The following TSC1 variants were observed in gnomAD, a reference collection of about 807,000 sequenced individuals.
TSC1 encodes the protein hamartin.
TSC1 carries 20 observed loss-of-function variants against 124.3 expected under a neutral mutation model. The ratio of observed to expected loss-of-function variants is 0.16; its 90% CI spans 0.11 to 0.23. TSC1 has a LOEUF of 0.23. Ranked by LOEUF, TSC1 falls within the 10% of genes least tolerant of loss-of-function variation. TSC1 has a pLI of 1.00. For missense variants in TSC1, 1,124 were observed against 1,448.5 expected (o/e 0.78, Z 3.64); for synonymous variants, 493 against 539.1 (o/e 0.91, Z 1.19).
At chr9:132,943,250 G>C (rs1003199333) in intron 1 of TSC1, among the ~76,000 whole-genome samples, 1 of 145,248 alleles carries the variant, frequency 6.9e-6, no homozygotes, top group African/African-American at 2.5e-5. Context: ...AAAAAAGCCA[G>C]CAAGGATTTT....
intron 13 of TSC1, 108 bp downstream of exon 13, chr9:132,907,193 T>C: frequency 1.1e-6 from 1 of 919,736 alleles, no homozygotes; most frequent in Non-Finnish European, 1.8e-6. Flanking sequence ...GGCCTCAGTA[T>C]TTTGGATATC....
In TSC1 at chr9:132,901,744, G is replaced by A. The variant is rs774231138; in HGVS notation, c.2392-45C>T. 3 of 1,585,396 alleles carry A rather than the reference G, an allele frequency of 1.9e-6. No homozygotes were observed. The South Asian group carries it at 3.3e-5, about 17-fold the overall frequency. On this transcript the variant is annotated intron_variant, in intron 18 of 22. Coordinates refer to ENST00000298552, the MANE Select transcript of TSC1 (RefSeq NM_000368.5). ...CATGAAGTTTGAGGAACACCAACAG[G>A]CCAGATCACAGGCCTACCTAGCCAC...
In TSC1 at chr9:132,893,077, T is replaced by C. The variant is rs1844853203; in HGVS notation, c.*3158A>G. ...CACCTTCTCAGAACAGTTTGGACTG[T>C]TTCCCCAACCATGTCACATAAGCTT... is the stretch of plus-strand genomic sequence containing the variant. On this transcript the variant is annotated 3_prime_UTR_variant, in exon 23 of 23. Transcript: ENST00000298552. 2 of 233,172 alleles carry C rather than the reference T, an allele frequency of 8.6e-6. No homozygotes were observed. Among genetic ancestry groups the C allele is most frequent in the South Asian group, 3.6e-4 (2 of 5,536 alleles). The allele number at this position is 233,172 out of a possible 1,614,324, so 14.4% of individuals were successfully genotyped here. A position where few individuals can be genotyped will look rare whatever the true frequency, so the allele number is the denominator to read the frequency against.
At chr9:132,916,170 T>A (rs1190845421) in intron 8 of TSC1, among the ~76,000 whole-genome samples, 1 of 152,230 alleles carries the variant, frequency 6.6e-6, no homozygotes, top group Admixed American at 6.5e-5. Context: ...GTTAGTTTAC[T>A]TGGCATTTTT....
rs535279391 is a variant in TSC1, at chr9:132,906,224, A to G, written c.1439-85T>C. The G allele has an allele frequency of 2.8e-6, 4 of 1,422,350 alleles. No homozygotes were observed. The South Asian group carries it at 4.9e-5, about 17-fold the overall frequency. 88.1% of individuals were successfully genotyped at this position (1,422,350 alleles called of 1,614,324 possible). On this transcript the variant is annotated intron_variant, in intron 14 of 22. Transcript: ENST00000298552. This position sits in a 1 kb window ranked among gnomAD's most constrained non-coding sequence, Gnocchi z 4.1. ...GGCAGTTTGGGTGGCATGCTGCCAC[A>G]TGCCAGTGTCACTCAGAGAGAGGAG...
chr9:132,924,885 T>A (rs1347746593), intron 5 of TSC1: 1 of 152,756 alleles, frequency 6.5e-6, no homozygotes, highest in Non-Finnish European at 1.5e-5. Context: ...CTGTAGCAGA[T>A]GAATCCAATG....
At position 132,923,565 on chromosome 9, in the gene TSC1, A is replaced by C. The variant is rs1846689333; in HGVS notation, c.364-73T>G. The C allele has an allele frequency of 1.5e-5, 24 of 1,601,744 alleles. No homozygotes were observed. The highest frequency in any genetic ancestry group is 3.7e-4 in the Middle Eastern group (2 of 5,420). Reference sequence around the variant, plus strand: ...CAGGATCGGCATTGTACAGTACATGAAGAGGCTCTAAACACTGAGAGAATC... The same window carrying C: ...CAGGATCGGCATTGTACAGTACATGCAGAGGCTCTAAACACTGAGAGAATC... On this transcript the variant is annotated intron_variant, in intron 5 of 22. Transcript: ENST00000298552. This position sits in a 1 kb window ranked among gnomAD's most constrained non-coding sequence, Gnocchi z 4.2.
intron 20 of TSC1, among the ~76,000 whole-genome samples, chr9:132,898,203 G>C (rs1163769090): frequency 6.6e-6 from 1 of 152,240 alleles, no homozygotes; most frequent in Non-Finnish European, 1.5e-5. Context: ...GTCTGCTCAA[G>C]CAAAGCAGCC....
rs1207650957 is a variant in TSC1, at chr9:132,892,381, T to A, written c.*3854A>T. ...CACAAACATCTTCAGACTGGATACA[T>A]TTTTCCAATACTTGTTGCGGGTCGG... On this transcript the variant is annotated 3_prime_UTR_variant, in exon 23 of 23. Transcript: ENST00000298552. 4.3e-6 allele frequency: 1 copy of A among 233,218 alleles called. No individual in the cohort carries two copies. Among genetic ancestry groups the A allele is most frequent in the Non-Finnish European group, 8.5e-6 (1 of 118,058 alleles). 14.4% of individuals were successfully genotyped at this position (233,218 alleles called of 1,614,324 possible). A position where few individuals can be genotyped will look rare whatever the true frequency, so the allele number is the denominator to read the frequency against.
chr9:132,927,269 A>C lies in TSC1; in HGVS notation c.142T>G (p.Tyr48Asp). ...GPMLVNTLVD[Y>D]YLETSSQPAL... ...GGCTGAGAGCTGGTTTCCAGGTAAT[A>C]ATCCACCAAGGTGTTTACAAGCATA... The change falls in exon 4 of 23, where the codon TAT becomes GAT. Residue 48 changes from tyrosine (Y) to aspartate (D), a missense_variant. Transcript: ENST00000298552. 1 of 1,614,056 alleles carries C rather than the reference A, an allele frequency of 6.2e-7. No individual in the cohort carries two copies. The highest frequency in any genetic ancestry group is 8.5e-7 in the Non-Finnish European group (1 of 1,179,940).
intron 20 of TSC1, chr9:132,899,268 C>T (rs1459326347): frequency 6.6e-6 from 1 of 152,288 alleles, no homozygotes; most frequent in African/African-American, 2.4e-5. Context: ...AGATGCTCTC[C>T]TCTTCTGTGG....
intron 3 of TSC1, among the ~76,000 whole-genome samples, chr9:132,927,855 T>A (rs749040253): frequency 7.9e-5 from 12 of 152,168 alleles, no homozygotes; most frequent in Non-Finnish European, 1.6e-4. Flanking sequence ...CAAAAAATAA[T>A]CCATATCTAC....
rs397514800 is a variant in TSC1 at position 132,903,782 on chromosome 9, C to G, written c.2077G>C (p.Asp693His). 38 of 1,613,860 alleles carry G rather than the reference C, an allele frequency of 2.4e-5. No individual in the cohort carries two copies. Among genetic ancestry groups the G allele is most frequent in the African/African-American group, 4.0e-5 (3 of 74,902 alleles). ...PPSDEIRTLR[D>H]QLLLLHNQLL... ...TGGTTGTGCAGTAAAAGCAACTGGT[C>G]TCGGAGGGTGCGGATCTCATCTGAA... The change falls in exon 17 of 23, where the codon GAC (aspartate) becomes CAC (histidine). Residue 693 changes from aspartate (D) to histidine (H), a missense_variant. By Grantham distance (81) the Asp-to-His change is moderately conservative. Around this residue, in one of 5 missense-constraint regions of TSC1, gnomAD observed 321 missense variants for 397.4 expected, o/e 0.81. Coordinates refer to ENST00000298552, the MANE Select transcript of TSC1 (RefSeq NM_000368.5). This position sits in a 1 kb window ranked among gnomAD's most constrained non-coding sequence, Gnocchi z 5.9.
At chr9:132,944,939 G>T, upstream of TSC1, 1 of 241,528 alleles carries the variant, frequency 4.1e-6, no homozygotes, top group East Asian at 7.4e-5. Flanking sequence ...CGAGGGGGCG[G>T]GGCGGGCGGT....
chr9:132,926,173 A>C (rs963400906), intron 4 of TSC1: 3 of 219,256 alleles, frequency 1.4e-5, no homozygotes, highest in South Asian at 1.4e-4. Flanking sequence ...AAACAAAAAA[A>C]CAAGACGGGC....
In TSC1 at chr9:132,923,096, C is replaced by T. The variant is rs1191609783; in HGVS notation, c.508+252G>A. Among the ~76,000 whole-genome samples, 1 of 152,206 alleles carries T rather than the reference C, an allele frequency of 6.6e-6. No homozygotes were observed. Among genetic ancestry groups the T allele is most frequent in the Non-Finnish European group, 1.5e-5 (1 of 68,040 alleles). ...GTTTATCAACAATCATAAAGTTTTA[C>T]ATCCTACCACTCAATTTCTCTGACG... is the stretch of plus-strand genomic sequence containing the variant. On this transcript the variant is annotated intron_variant, in intron 6 of 22. Coordinates refer to ENST00000298552, the MANE Select transcript of TSC1 (RefSeq NM_000368.5). This position sits in a 1 kb window ranked among gnomAD's most constrained non-coding sequence, Gnocchi z 4.2.
At chr9:132,904,938 C>A (rs1845576673) in intron 15 of TSC1, among the ~76,000 whole-genome samples, 1 of 152,184 alleles carries the variant, frequency 6.6e-6, no homozygotes, top group South Asian at 2.1e-4. Context: ...AAAGAGGGAG[C>A]TTAAATACTA....
rs2131617482 is a variant in TSC1, at chr9:132,896,773, G to A, written c.2976-19C>T. 6.2e-7 allele frequency: 1 copy of A among 1,613,388 alleles called. No homozygotes were observed. Among genetic ancestry groups the A allele is most frequent in the Non-Finnish European group, 8.5e-7 (1 of 1,180,002 alleles). On this transcript the variant is annotated intron_variant, in intron 22 of 22. Transcript: ENST00000298552. This position sits in a 1 kb window ranked among gnomAD's most constrained non-coding sequence, Gnocchi z 4.5. ...GTCAAGCCTGTAAGAAAGCCGGGGAGGAAAAAAGGAGCTGGTGATTGGACT... is the reference window on the plus strand; with the variant it reads ...GTCAAGCCTGTAAGAAAGCCGGGGAAGAAAAAAGGAGCTGGTGATTGGACT...
At chr9:132,944,811 T>A (rs1392808176), upstream of TSC1, 1 of 388,252 alleles carries the variant, frequency 2.6e-6, no homozygotes, top group Non-Finnish European at 4.5e-6. Context: ...GGAGGGTTTT[T>A]ATGGAGGGGG....
Sources: gnomAD v4.1 joint callset for allele counts (sites outside exome capture counted in the v4.1 genomes callset) on GRCh38, gnomAD v4.1.1 for gene constraint, gnomAD v4.1.1 regional missense constraint, Gnocchi (gnomAD v3.1) non-coding constraint, MANE v1.5 for transcripts, NCBI Gene and HGNC (gene_info 2026-07-23, HGNC 2026-07-21) for gene names.